The following LAMA2 variants were observed in gnomAD, a reference collection of about 807,000 sequenced individuals.
LAMA2 encodes laminin subunit alpha 2, also known as laminin subunit alpha-2.
LAMA2 carries 269 observed loss-of-function variants against 364.8 expected under a neutral mutation model. The observed-to-expected ratio is 0.74, with a 90% confidence interval of 0.67 to 0.82. The LOEUF (loss-of-function observed/expected upper bound fraction) is 0.82. LAMA2 is among the 40% of genes least tolerant of loss of function. The pLI is 0.00. For missense variants in LAMA2, 3,807 were observed against 3,873.2 expected (o/e 0.98, Z 0.45); for synonymous variants, 1,379 against 1,370.6 (o/e 1.01, Z -0.14).
chr6:129,157,918 C>A (rs1400257982), intron 8 of LAMA2: 1 of 1,614,178 alleles, frequency 6.2e-7, no homozygotes, highest in South Asian at 1.1e-5. Flanking sequence ...TTGGTGCCCA[C>A]CCTGGTATTC....
At chr6:129,010,164 A>T (rs1205810851) in intron 1 of LAMA2, among the ~76,000 whole-genome samples, 2 of 152,206 alleles carry the variant, frequency 1.3e-5, no homozygotes, top group African/African-American at 4.8e-5. Flanking sequence ...TCAGAGTCAA[A>T]GATGTTAATT....
At chr6:129,391,815 C>A (rs1447202547) in intron 36 of LAMA2, among the ~76,000 whole-genome samples, 162 bp downstream of exon 36, 1 of 152,074 alleles carries the variant, frequency 6.6e-6, no homozygotes, top group Non-Finnish European at 1.5e-5. Context: ...ATCTATCTAT[C>A]TATTTATCTA....
At chr6:129,013,258 AC>A (rs1784870699) in intron 1 of LAMA2, among the ~76,000 whole-genome samples, 1 of 151,894 alleles carries the variant, frequency 6.6e-6, no homozygotes, top group African/African-American at 2.4e-5. Flanking sequence ...CCACGGTGAA[AC>A]CCCGTCTCTA....
intron 50 of LAMA2, 75 bp downstream of exon 50, chr6:129,464,527 A>C: frequency 1.6e-6 from 2 of 1,224,062 alleles, no homozygotes; most frequent in Non-Finnish European, 2.4e-6. Flanking sequence ...TGGTAAAATC[A>C]TCAGTTATTG....
chr6:129,043,858 A>G (rs545573354), intron 1 of LAMA2, among the ~76,000 whole-genome samples: 1 of 152,250 alleles, frequency 6.6e-6, no homozygotes, highest in Admixed American at 6.5e-5. Flanking sequence ...TGCAGAACCT[A>G]AAATCTCTGT....
At chr6:129,150,454 C>A (rs1424090124) in intron 7 of LAMA2, among the ~76,000 whole-genome samples, 1 of 152,290 alleles carries the variant, frequency 6.6e-6, no homozygotes, top group East Asian at 1.9e-4. Context: ...CCTGTTGCCA[C>A]TGACATGCCT....
At chr6:129,180,111 C>T (rs1382432995) in intron 10 of LAMA2, among the ~76,000 whole-genome samples, 1 of 151,918 alleles carries the variant, frequency 6.6e-6, no homozygotes, top group Non-Finnish European at 1.5e-5. Flanking sequence ...CTTAATGTAA[C>T]AGTTCATACT....
chr6:129,089,254 A>G lies in LAMA2; in HGVS notation c.397-8919A>G, dbSNP rs568544678. On this transcript the variant is annotated intron_variant, in intron 3 of 64. Transcript: ENST00000421865. ...TGATTTGTTATTCTACTCTGTTAACATTATACTTCTAACACTTCCCATCAC... is the reference window on the plus strand; with the variant it reads ...TGATTTGTTATTCTACTCTGTTAACGTTATACTTCTAACACTTCCCATCAC... Among the ~76,000 whole-genome samples, 25 of 152,366 alleles carry G rather than the reference A, an allele frequency of 1.6e-4. 1 individual carries two copies. The highest frequency in any genetic ancestry group is 1.2e-3 in the South Asian group (6 of 4,826).
intron 31 of LAMA2, among the ~76,000 whole-genome samples, chr6:129,352,586 C>A (rs1776913685): frequency 6.6e-6 from 1 of 152,146 alleles, no homozygotes; most frequent in Admixed American, 6.5e-5. Context: ...ATTTTGAGAT[C>A]TGAAATTCAT....
intron 34 of LAMA2, among the ~76,000 whole-genome samples, chr6:129,376,042 G>A (rs1430069349): frequency 6.6e-6 from 1 of 152,160 alleles, no homozygotes; most frequent in African/African-American, 2.4e-5. Context: ...ATGGCAGAGT[G>A]AACATTCTAA....
At chr6:129,380,957 G>A (rs943802164) in intron 34 of LAMA2, among the ~76,000 whole-genome samples, 1 of 152,138 alleles carries the variant, frequency 6.6e-6, no homozygotes, top group Non-Finnish European at 1.5e-5. Context: ...CAATGAATAT[G>A]ATCTTGATCA....
At chr6:128,967,298 A>G (rs1424058951) in intron 1 of LAMA2, among the ~76,000 whole-genome samples, 1 of 152,248 alleles carries the variant, frequency 6.6e-6, no homozygotes, top group African/African-American at 2.4e-5. Flanking sequence ...TATAAATGAA[A>G]TAAGTTCTAA....
chr6:129,418,866 T>TTTATTTTAATTGACAGA (rs1780930880), intron 40 of LAMA2, among the ~76,000 whole-genome samples: 1 of 152,194 alleles, frequency 6.6e-6, no homozygotes, highest in African/African-American at 2.4e-5. Flanking sequence ...TCAGAATTTA[T>TTTATTTTAATTGACAGA]TTATTTTAAT....
intron 1 of LAMA2, among the ~76,000 whole-genome samples, chr6:128,892,107 A>T (rs1776489225): frequency 1.3e-5 from 2 of 152,076 alleles, no homozygotes; most frequent in South Asian, 4.1e-4. Context: ...AACTAAAAAA[A>T]AAGATTTGCT....
At chr6:129,044,761 G>C (rs72987291) in intron 1 of LAMA2, among the ~76,000 whole-genome samples, 1 of 152,070 alleles carries the variant, frequency 6.6e-6, no homozygotes, top group Non-Finnish European at 1.5e-5. Flanking sequence ...TATGGATAAT[G>C]ATCACTGGCT....
intron 1 of LAMA2, among the ~76,000 whole-genome samples, chr6:128,958,650 G>A (rs947190208): frequency 6.6e-6 from 1 of 152,084 alleles, no homozygotes; most frequent in Non-Finnish European, 1.5e-5. Context: ...ATCATCACCT[G>A]CCTCTTGCCT....
At chr6:129,417,561 C>A (rs1780862820) in intron 40 of LAMA2, among the ~76,000 whole-genome samples, 1 of 152,096 alleles carries the variant, frequency 6.6e-6, no homozygotes, top group Non-Finnish European at 1.5e-5. Context: ...TCAGGCAGTC[C>A]CTGGCTTGAA....
chr6:128,919,320 T>C (rs1277341052), intron 1 of LAMA2, among the ~76,000 whole-genome samples: 1 of 152,226 alleles, frequency 6.6e-6, no homozygotes, highest in Non-Finnish European at 1.5e-5. Context: ...TTTTAAACTT[T>C]AATGTATAAC....
chr6:128,924,714 G>A (rs1396568994), intron 1 of LAMA2, among the ~76,000 whole-genome samples: 1 of 152,188 alleles, frequency 6.6e-6, no homozygotes, highest in Non-Finnish European at 1.5e-5. Context: ...CTCATGCAGA[G>A]GGGTTATTTC....
Sources: allele counts gnomAD v4.1 joint callset (sites outside exome capture counted in the v4.1 genomes callset), GRCh38; gene constraint gnomAD v4.1.1; transcripts MANE v1.5; gene names NCBI Gene and HGNC (gene_info 2026-07-23, HGNC 2026-07-21).